PTPN14: variants seen among roughly 807,000 people sequenced by gnomAD.
The protein encoded by PTPN14 is protein tyrosine phosphatase non-receptor type 14.
A neutral mutation model predicts 126.8 loss-of-function variants in PTPN14; 53 were observed. That is an observed-to-expected ratio of 0.42 (90% CI 0.34 to 0.53). The LOEUF is 0.53. Ranked by LOEUF, PTPN14 falls within the 20% of genes least tolerant of loss-of-function variation. The pLI is 0.08. For missense variants in PTPN14, 1,257 were observed against 1,552.9 expected (o/e 0.81, Z 3.20); for synonymous variants, 630 against 599.3 (o/e 1.05, Z -0.75).
intron 1 of PTPN14, chr1:214,533,365 T>C (rs890867155): frequency 6.4e-6 from 3 of 471,832 alleles, no homozygotes; most frequent in Non-Finnish European, 7.9e-6. Context: ...ATCTTGGTGA[T>C]GGACAGCAGC....
chr1:214,402,437 C>CA (rs1165595746), intron 6 of PTPN14, among the ~76,000 whole-genome samples: 1,609 of 47,940 alleles, frequency 0.034, 118 homozygotes, highest in Non-Finnish European at 0.044. Flanking sequence ...GAGACTCTGT[C>CA]AAAAAAAAAA....
chr1:214,401,820 TG>T, intron 6 of PTPN14, 48 bp from the exon 7 acceptor site: 1 of 1,448,704 alleles, frequency 6.9e-7, no homozygotes, highest in Non-Finnish European at 9.6e-7. Flanking sequence ...GGGCAGCCAG[TG>T]GAAGATCCCA....
At chr1:214,380,647 G>C (rs933624819) in intron 13 of PTPN14, among the ~76,000 whole-genome samples, 3 of 152,166 alleles carry the variant, frequency 2.0e-5, no homozygotes, top group Non-Finnish European at 2.9e-5. Flanking sequence ...GCCAGCCCCT[G>C]AGTTTTCTTT....
At chr1:214,457,170 T>A (rs1013608168) in intron 2 of PTPN14, among the ~76,000 whole-genome samples, 3 of 152,232 alleles carry the variant, frequency 2.0e-5, no homozygotes, top group African/African-American at 7.2e-5. Flanking sequence ...CTAGTCATTA[T>A]GAAAATAGCA....
intron 2 of PTPN14, among the ~76,000 whole-genome samples, chr1:214,459,339 G>C (rs1288575424): frequency 6.6e-6 from 1 of 151,574 alleles, no homozygotes; most frequent in African/African-American, 2.4e-5. Flanking sequence ...TTTTAGTAGA[G>C]ATGGGGTTTC....
chr1:214,547,008 C>A (rs1655985748), intron 1 of PTPN14, among the ~76,000 whole-genome samples: 1 of 152,076 alleles, frequency 6.6e-6, no homozygotes, highest in African/African-American at 2.4e-5. Context: ...TCATTTATAA[C>A]CCAACCTAGA....
chr1:214,536,461 T>C (rs942992526), intron 1 of PTPN14, among the ~76,000 whole-genome samples: 1 of 152,128 alleles, frequency 6.6e-6, no homozygotes, highest in African/African-American at 2.4e-5. Context: ...AGTATATCAA[T>C]TGTAAAGATA....
At chr1:214,430,014 G>A (rs902791464) in intron 3 of PTPN14, among the ~76,000 whole-genome samples, 1 of 152,152 alleles carries the variant, frequency 6.6e-6, no homozygotes, top group East Asian at 1.9e-4. Flanking sequence ...TCCTGTGAAC[G>A]TGTGACCCAA....
chr1:214,487,565 G>A (rs1000653361), intron 1 of PTPN14, among the ~76,000 whole-genome samples: 1 of 150,722 alleles, frequency 6.6e-6, no homozygotes, highest in Admixed American at 6.6e-5. Flanking sequence ...ACCCAGGAAG[G>A]AGAGGTTGCA....
At chr1:214,421,606 C>A (rs180815220) in intron 3 of PTPN14, among the ~76,000 whole-genome samples, 135 of 152,150 alleles carry the variant, frequency 8.9e-4, no homozygotes, top group African/African-American at 3.1e-3. Context: ...AAAATCAGAA[C>A]AAAACACCCA....
At chr1:214,512,926 A>G (rs559585729) in intron 1 of PTPN14, among the ~76,000 whole-genome samples, 1 of 152,228 alleles carries the variant, frequency 6.6e-6, no homozygotes, top group South Asian at 2.1e-4. Flanking sequence ...TCCTAGACTC[A>G]TGCGATCTGC....
chr1:214,506,849 C>T (rs1654856404), intron 1 of PTPN14, among the ~76,000 whole-genome samples: 1 of 151,470 alleles, frequency 6.6e-6, no homozygotes, highest in African/African-American at 2.4e-5. Flanking sequence ...TCCTCATAAA[C>T]AAGAATGTCT....
chr1:214,466,468 A>G (rs1660641510), intron 1 of PTPN14, among the ~76,000 whole-genome samples: 1 of 152,194 alleles, frequency 6.6e-6, no homozygotes. Context: ...TAGTAACAAG[A>G]CTTACTGACA....
chr1:214,462,942 G>A (rs1660544453), intron 2 of PTPN14, among the ~76,000 whole-genome samples: 1 of 151,978 alleles, frequency 6.6e-6, no homozygotes. Context: ...TTCCATACAG[G>A]AACTCTTTTA....
intron 13 of PTPN14, among the ~76,000 whole-genome samples, chr1:214,380,391 C>CT (rs1658445089): frequency 6.6e-6 from 1 of 152,162 alleles, no homozygotes; most frequent in Admixed American, 6.5e-5. Context: ...CTCACTCACC[C>CT]TATCAGCTTG....
At chr1:214,377,893 C>T in intron 14 of PTPN14, 66 bp downstream of exon 14, 1 of 1,540,872 alleles carries the variant, frequency 6.5e-7, no homozygotes, top group Non-Finnish European at 8.8e-7. Flanking sequence ...CATATTCGGG[C>T]AAGGAGGGTG....
chr1:214,479,734 C>G (rs1026274684), intron 1 of PTPN14, among the ~76,000 whole-genome samples: 5 of 152,058 alleles, frequency 3.3e-5, no homozygotes, highest in Admixed American at 1.3e-4. Context: ...GGTTAGAAAG[C>G]TCAGTCGTTT....
chr1:214,532,443 A>C, intron 1 of PTPN14: 2 of 793,292 alleles, frequency 2.5e-6, no homozygotes, highest in Non-Finnish European at 4.4e-6. Flanking sequence ...GCAAAGCCTG[A>C]AAGACCACCT....
chr1:214,423,493 A>C (rs1359399800), intron 3 of PTPN14, among the ~76,000 whole-genome samples: 1 of 152,026 alleles, frequency 6.6e-6, no homozygotes, highest in East Asian at 1.9e-4. Context: ...CCACTTTCCA[A>C]GTTTTGTCCC....
Sources: gnomAD v4.1 joint callset for allele counts (sites outside exome capture counted in the v4.1 genomes callset) on GRCh38, gnomAD v4.1.1 for gene constraint, MANE v1.5 for transcripts, NCBI Gene and HGNC (gene_info 2026-07-23, HGNC 2026-07-21) for gene names.